Variants in LPP observed in about 807,000 individuals in gnomAD.
LPP encodes the protein lipoma-preferred partner.
LPP carries 38 observed loss-of-function variants against 60.4 expected under a neutral mutation model. That is an observed-to-expected ratio of 0.63 (90% CI 0.49 to 0.83). The LOEUF is 0.83. LPP is among the 40% of genes least tolerant of loss of function. The pLI, the probability that LPP is intolerant of heterozygous loss-of-function variation, is 0.00. For synonymous variants in LPP, 328 were observed against 290.8 expected (o/e 1.13, Z -1.30); for missense variants, 902 against 783.6 (o/e 1.15, Z -1.80).
In LPP at chr3:188,387,167, A is replaced by G. The variant is rs932643913; in HGVS notation, c.-9-18945A>G. Among the ~76,000 whole-genome samples the G allele has an allele frequency of 7.9e-5, 12 of 152,202 alleles. No individual in the cohort carries two copies. The South Asian group carries it at 1.9e-3, about 24-fold the overall frequency. On this transcript the variant is annotated intron_variant, in intron 3 of 11. Transcript: ENST00000617246. ...AAACTTGTACAAGTGAAGTTACAACATTCTATCAAGTTCAGAACATGTAGA... is the reference window on the plus strand; with the variant it reads ...AAACTTGTACAAGTGAAGTTACAACGTTCTATCAAGTTCAGAACATGTAGA...
chr3:188,300,661 C>T (rs918706652), intron 2 of LPP, among the ~76,000 whole-genome samples: 1 of 152,098 alleles, frequency 6.6e-6, no homozygotes, highest in Non-Finnish European at 1.5e-5. Context: ...ATTAATAAAA[C>T]ATTAGTTACA....
At chr3:188,497,440 G>A (rs1810568142) in intron 5 of LPP, among the ~76,000 whole-genome samples, 2 of 152,056 alleles carry the variant, frequency 1.3e-5, no homozygotes, top group South Asian at 4.2e-4. Context: ...CTTTCCATTA[G>A]AAATTATGTC....
intron 4 of LPP, among the ~76,000 whole-genome samples, chr3:188,443,371 G>A (rs76648218): frequency 7.6e-4 from 115 of 152,308 alleles, no homozygotes; most frequent in African/African-American, 2.6e-3. Context: ...GCTTGGTTTT[G>A]AGGCCTGCCT....
chr3:188,783,065 T>C (rs570885549), intron 9 of LPP, among the ~76,000 whole-genome samples: 1 of 152,278 alleles, frequency 6.6e-6, no homozygotes, highest in East Asian at 1.9e-4. Context: ...CTGGTCCCTT[T>C]TTCCCCTGTC....
chr3:188,501,173 A>C (rs575247522), intron 5 of LPP, among the ~76,000 whole-genome samples: 1 of 152,188 alleles, frequency 6.6e-6, no homozygotes, highest in Admixed American at 6.5e-5. Flanking sequence ...CTTATCTTTA[A>C]ATTTAATGGT....
intron 4 of LPP, among the ~76,000 whole-genome samples, chr3:188,447,571 T>C (rs1054494017): frequency 4.5e-5 from 6 of 132,510 alleles, no homozygotes; most frequent in African/African-American, 1.8e-4. Flanking sequence ...GATTACACCA[T>C]AGCAGTCCAG....
intron 1 of LPP, among the ~76,000 whole-genome samples, chr3:188,207,037 C>G (rs1733426876): frequency 6.6e-6 from 1 of 151,998 alleles, no homozygotes; most frequent in Non-Finnish European, 1.5e-5. Context: ...AGCTTTGCAT[C>G]TCGAAGTAAA....
At chr3:188,590,641 G>C (rs1368426944) in intron 6 of LPP, among the ~76,000 whole-genome samples, 1 of 152,146 alleles carries the variant, frequency 6.6e-6, no homozygotes, top group East Asian at 1.9e-4. Flanking sequence ...ACAGACCACA[G>C]TGCAAGCAAG....
chr3:188,375,860 C>G (rs1774900673), intron 3 of LPP, among the ~76,000 whole-genome samples: 1 of 152,076 alleles, frequency 6.6e-6, no homozygotes, highest in African/African-American at 2.4e-5. Context: ...AAATTTCCCT[C>G]TACACACTGC....
intron 5 of LPP, among the ~76,000 whole-genome samples, chr3:188,503,465 A>G (rs1008859644): frequency 2.0e-5 from 3 of 152,172 alleles, no homozygotes; most frequent in African/African-American, 7.2e-5. Context: ...GTCACACATC[A>G]TGATTACAAT....
chr3:188,475,048 T>G (rs1802816057), intron 4 of LPP, among the ~76,000 whole-genome samples: 1 of 152,236 alleles, frequency 6.6e-6, no homozygotes, highest in African/African-American at 2.4e-5. Flanking sequence ...GAAATTGAAT[T>G]TGTTATCCAA....
intron 6 of LPP, among the ~76,000 whole-genome samples, chr3:188,553,454 C>T (rs935879394): frequency 6.6e-6 from 1 of 152,118 alleles, no homozygotes; most frequent in Non-Finnish European, 1.5e-5. Flanking sequence ...ACATTGAGCT[C>T]GTGCATGTTG....
chr3:188,385,742 C>T (rs184451657), intron 3 of LPP, among the ~76,000 whole-genome samples: 2 of 152,146 alleles, frequency 1.3e-5, no homozygotes, highest in African/African-American at 4.8e-5. Flanking sequence ...TAGTTTCTGC[C>T]CTAAGGAGCT....
At chr3:188,399,249 A>G (rs1472030175) in intron 3 of LPP, among the ~76,000 whole-genome samples, 1 of 152,206 alleles carries the variant, frequency 6.6e-6, no homozygotes, top group African/African-American at 2.4e-5. Flanking sequence ...GTGAACAATA[A>G]TGGAGAGCCG....
At chr3:188,791,268 T>A (rs116621851) in intron 9 of LPP, among the ~76,000 whole-genome samples, 2 of 152,276 alleles carry the variant, frequency 1.3e-5, no homozygotes, top group South Asian at 2.1e-4. Context: ...ATTTCTATGC[T>A]TTTCTCTTAC....
chr3:188,841,388 A>ATTTTTT (rs1759940679), intron 9 of LPP, among the ~76,000 whole-genome samples: 1 of 106,426 alleles, frequency 9.4e-6, no homozygotes, highest in African/African-American at 3.9e-5. Flanking sequence ...GCCCTTTCTG[A>ATTTTTT]ATTTGTTTTT....
rs1207527641 is a variant in LPP, at chr3:188,886,327, A to C, written c.*11848A>C. ...AATAATGAAATAAAATTAAAAAAAA[A>C]AAAGAAAAGTGCCTCACCTCCCTGT... On this transcript the variant is annotated 3_prime_UTR_variant, in exon 12 of 12. Transcript: ENST00000617246. 5 of 175,436 alleles carry C rather than the reference A, an allele frequency of 2.9e-5. No homozygotes were observed. The South Asian group carries it at 1.0e-3, about 36-fold the overall frequency. 10.9% of individuals were successfully genotyped at this position (175,436 alleles called of 1,614,324 possible).
chr3:188,384,073 G>C (rs13079741), intron 3 of LPP, among the ~76,000 whole-genome samples: 86,196 of 152,022 alleles, frequency 0.57, 25,805 homozygotes, highest in African/African-American at 0.76. Context: ...CCAACATATT[G>C]AAAATGGTAC....
chr3:188,277,324 G>A (rs1383179304), intron 2 of LPP, among the ~76,000 whole-genome samples: 2 of 152,172 alleles, frequency 1.3e-5, no homozygotes, highest in Non-Finnish European at 2.9e-5. Context: ...AGAAATGGAC[G>A]TGGCCCCAAA....
Sources: gnomAD v4.1 joint callset for allele counts (sites outside exome capture counted in the v4.1 genomes callset) on GRCh38, gnomAD v4.1.1 for gene constraint, MANE v1.5 for transcripts, NCBI Gene and HGNC (gene_info 2026-07-23, HGNC 2026-07-21) for gene names.